PVALB: variants seen among roughly 807,000 people sequenced by gnomAD.
PVALB encodes parvalbumin, also known as parvalbumin alpha.
Under a neutral mutation model 10.9 loss-of-function variants are expected in PVALB, and 11 were observed. That is an observed-to-expected ratio of 1.01 (90% CI 0.63 to 1.67). The LOEUF (loss-of-function observed/expected upper bound fraction) is 1.67, where lower values mean the gene tolerates loss of function less well. Ranked by LOEUF, PVALB falls within the 40% of genes most tolerant of loss-of-function variation. The pLI is 0.00. For synonymous variants in PVALB, 57 were observed against 50.7 expected, an observed-to-expected ratio of 1.12 and a Z score of -0.53; for missense variants, 131 against 136.2, an observed-to-expected ratio of 0.96 and a Z score of 0.19.
intron 3 of PVALB, chr22:36,813,338 G>A: frequency 3.0e-6 from 1 of 336,468 alleles, no homozygotes; most frequent in Non-Finnish European, 5.5e-6. Context: ...GGTTGGGCCA[G>A]TATCCATGCA....
upstream of PVALB, chr22:36,818,920 C>G (rs553582262): frequency 6.6e-6 from 1 of 152,442 alleles, no homozygotes; most frequent in South Asian, 2.1e-4. Flanking sequence ...TCCTGGTGAG[C>G]CCCTAAGCAG....
Position 36,813,710 on chromosome 22 carries a change from A to G in PVALB, c.240T>C (p.Ala80=). The change falls in exon 3 of 4, where the codon GCT becomes GCC. Residue 80 remains alanine (A), a synonymous_variant. Coordinates refer to ENST00000417718, the MANE Select transcript of PVALB (RefSeq NM_001315532.2). ...GFSPDARDLS[A]KETKMLMAAG... Reference sequence around the variant, plus strand: ...CAGCCATCAGCATCTTGGTTTCTTTAGCAGACAGGTCTCTGGCATCTGGGG... The same window carrying G: ...CAGCCATCAGCATCTTGGTTTCTTTGGCAGACAGGTCTCTGGCATCTGGGG... 1.2e-6 allele frequency: 2 copies of G among 1,614,096 alleles called. No individual in the cohort carries two copies. The highest frequency in any genetic ancestry group is 1.7e-6 in the Non-Finnish European group (2 of 1,180,006).
At chr22:36,810,815 C>T (rs566754828) in intron 3 of PVALB, among the ~76,000 whole-genome samples, 2 of 152,376 alleles carry the variant, frequency 1.3e-5, no homozygotes, top group African/African-American at 4.8e-5. Flanking sequence ...CCAGCCTTGG[C>T]TGATGCCAAT....
rs757882986 is a variant in PVALB, at chr22:36,817,019, G to A, written c.-14C>T. 1.2e-6 allele frequency: 2 copies of A among 1,606,854 alleles called. No homozygotes were observed. Among genetic ancestry groups the A allele is most frequent in the East Asian group, 2.3e-5 (1 of 44,344 alleles). ...TGTCATCGACATCCTGCAACTGTTT[G>A]AGCGGGCAGAGCAAGTGCGAAAAGA... On this transcript the variant is annotated 5_prime_UTR_variant, in exon 1 of 4. Transcript: ENST00000417718.
Position 36,813,459 on chromosome 22 carries a change from C to A in PVALB, c.304+187G>T, listed in dbSNP as rs1301340386. ...AGGTTTTCAAATTAGGAAAATACAC[C>A]AGTTTTCCTTTGTCTGGAGTATGTG... On this transcript the variant is annotated intron_variant, in intron 3 of 3. Transcript: ENST00000417718. 1.8e-5 allele frequency: 10 copies of A among 544,082 alleles called. No homozygotes were observed. In the Admixed American group the frequency reaches 2.8e-4, roughly 15 times the overall value. 33.7% of individuals were successfully genotyped at this position (544,082 alleles called of 1,614,324 possible).
intron 3 of PVALB, among the ~76,000 whole-genome samples, chr22:36,803,188 T>G (rs939931621): frequency 2.0e-5 from 3 of 152,148 alleles, no homozygotes; most frequent in African/African-American, 7.2e-5. Flanking sequence ...AGCTTGACCA[T>G]GACATGATTC....
In PVALB at chr22:36,816,940, C is replaced by T. The variant is rs1162693178; in HGVS notation, c.61+5G>A. The T allele has an allele frequency of 1.2e-6, 2 of 1,602,546 alleles. No homozygotes were observed. The highest frequency in any genetic ancestry group is 1.7e-6 in the Non-Finnish European group (2 of 1,176,750). ...AGGGATGGGGAGGGGAGCGCGCTTGCTCACCGCTAAAGGCTCCCACCGCCT... is the reference window on the plus strand; with the variant it reads ...AGGGATGGGGAGGGGAGCGCGCTTGTTCACCGCTAAAGGCTCCCACCGCCT... On this transcript the variant is annotated splice_donor_5th_base_variant and intron_variant, in intron 1 of 3. Transcript: ENST00000417718.
chr22:36,809,673 C>T (rs985625989), intron 3 of PVALB, among the ~76,000 whole-genome samples: 6 of 152,086 alleles, frequency 3.9e-5, no homozygotes, highest in Admixed American at 3.9e-4. Flanking sequence ...AAGCACGGTG[C>T]CTGGCACATA....
chr22:36,803,525 C>G (rs1938902347), intron 3 of PVALB, among the ~76,000 whole-genome samples: 1 of 149,924 alleles, frequency 6.7e-6, no homozygotes. Context: ...GATGGATGGA[C>G]AGATGGAGGG....
rs1314775965 is a variant in PVALB, at chr22:36,800,963, C to A, written c.305-45G>T. 3.8e-6 allele frequency: 6 copies of A among 1,576,196 alleles called. No homozygotes were observed. In the East Asian group the frequency reaches 1.1e-4, roughly 29 times the overall value. On this transcript the variant is annotated intron_variant, in intron 3 of 3. Coordinates refer to ENST00000417718, the MANE Select transcript of PVALB (RefSeq NM_001315532.2). ...GGAAAGTGAGTCAGAGGCGGGGATG[C>A]AAGAGAGACTGTCCACACCTGACTG...
At chr22:36,808,789 G>T (rs1939002567) in intron 3 of PVALB, among the ~76,000 whole-genome samples, 1 of 152,170 alleles carries the variant, frequency 6.6e-6, no homozygotes, top group South Asian at 2.1e-4. Flanking sequence ...TGCTTTTTAT[G>T]CCTGGGCTTT....
intron 1 of PVALB, among the ~76,000 whole-genome samples, chr22:36,815,750 G>A (rs1455185265): frequency 2.0e-5 from 3 of 152,208 alleles, no homozygotes; most frequent in Admixed American, 1.3e-4. Context: ...GAGGAGGAGG[G>A]GCAAACCCGG....
At chr22:36,807,897 C>T (rs958375589) in intron 3 of PVALB, among the ~76,000 whole-genome samples, 1 of 152,206 alleles carries the variant, frequency 6.6e-6, no homozygotes, top group African/African-American at 2.4e-5. Flanking sequence ...TTCCTTCAGG[C>T]ATGCGAGTGA....
At chr22:36,816,521 C>T (rs1189631873) in intron 1 of PVALB, 1 of 178,998 alleles carries the variant, frequency 5.6e-6, no homozygotes, top group Non-Finnish European at 1.2e-5. Context: ...AAAGTCCTGT[C>T]CAGAATGAGG....
chr22:36,801,493 G>T (rs1051965073), intron 3 of PVALB, among the ~76,000 whole-genome samples: 1 of 152,212 alleles, frequency 6.6e-6, no homozygotes, highest in South Asian at 2.1e-4. Flanking sequence ...AGTGCCCATC[G>T]CCCTAGAAAA....
chr22:36,818,213 C>T (rs752013246), upstream of PVALB, among the ~76,000 whole-genome samples: 3 of 152,074 alleles, frequency 2.0e-5, no homozygotes, highest in Non-Finnish European at 2.9e-5. Context: ...GTGTTGATGA[C>T]GTCAGTGGTC....
chr22:36,817,007 C>T lies in PVALB; in HGVS notation c.-2G>A, dbSNP rs1466712194. 5.6e-6 allele frequency: 9 copies of T among 1,608,876 alleles called. No individual in the cohort carries two copies. Among genetic ancestry groups the T allele is most frequent in the Non-Finnish European group, 5.9e-6 (7 of 1,178,282 alleles). On this transcript the variant is annotated 5_prime_UTR_variant, in exon 1 of 4. Transcript: ENST00000417718. Reference sequence around the variant, plus strand: ...GTTCAGCAAGTCTGTCATCGACATCCTGCAACTGTTTGAGCGGGCAGAGCA... The same window carrying T: ...GTTCAGCAAGTCTGTCATCGACATCTTGCAACTGTTTGAGCGGGCAGAGCA...
At chr22:36,815,469 T>C (rs1043317034) in intron 1 of PVALB, 5 of 551,334 alleles carry the variant, frequency 9.1e-6, no homozygotes, top group Admixed American at 3.2e-5. Flanking sequence ...TCCCTGGCTC[T>C]CAAGCCCGCC....
chr22:36,814,443 C>A (rs988016426), intron 2 of PVALB, among the ~76,000 whole-genome samples: 9 of 152,144 alleles, frequency 5.9e-5, no homozygotes, highest in African/African-American at 1.9e-4. Context: ...CCTACACCCA[C>A]CCCCCGCTTC....
Sources: gnomAD v4.1 joint callset for allele counts (sites outside exome capture counted in the v4.1 genomes callset) on GRCh38, gnomAD v4.1.1 for gene constraint, MANE v1.5 for transcripts, NCBI Gene and HGNC (gene_info 2026-07-23, HGNC 2026-07-21) for gene names.